The following ZNF385B variants were observed in gnomAD, a reference collection of about 807,000 sequenced individuals.
ZNF385B encodes the protein zinc finger protein 533.
In ZNF385B, 23 loss-of-function variants were observed where a neutral mutation model predicts 39.2. The ratio of observed to expected loss-of-function variants is 0.59; its 90% CI spans 0.42 to 0.83. The LOEUF is 0.83. Among genes scored for constraint, ZNF385B ranks in the 40% least tolerant of loss-of-function variants. ZNF385B has a pLI of 0.00. For missense variants in ZNF385B, 552 were observed against 598.9 expected (o/e 0.92, Z 0.82); for synonymous variants, 205 against 222.6 (o/e 0.92, Z 0.70).
At chr2:179,738,552 C>G (rs1243636802) in intron 3 of ZNF385B, among the ~76,000 whole-genome samples, 1 of 152,138 alleles carries the variant, frequency 6.6e-6, no homozygotes, top group African/African-American at 2.4e-5. Context: ...ATTCCTACAT[C>G]GTTTTTCACT....
chr2:179,696,722 A>C (rs949152384), intron 3 of ZNF385B, among the ~76,000 whole-genome samples: 4 of 152,152 alleles, frequency 2.6e-5, no homozygotes, highest in Non-Finnish European at 5.9e-5. Context: ...TTTGCATTTA[A>C]AAAAACTATA....
chr2:179,735,103 A>C (rs919420462), intron 3 of ZNF385B, among the ~76,000 whole-genome samples: 8 of 152,174 alleles, frequency 5.3e-5, no homozygotes, highest in Non-Finnish European at 1.2e-4. Context: ...CAACCTACAG[A>C]ATGGGAGAAA....
intron 1 of ZNF385B, among the ~76,000 whole-genome samples, chr2:179,811,300 G>C (rs937797922): frequency 1.3e-5 from 2 of 151,872 alleles, no homozygotes; most frequent in African/African-American, 4.8e-5. Context: ...GAACTAAAAA[G>C]AACTATTATT....
intron 1 of ZNF385B, among the ~76,000 whole-genome samples, chr2:179,805,844 G>A (rs958889021): frequency 6.6e-6 from 1 of 152,228 alleles, no homozygotes; most frequent in Non-Finnish European, 1.5e-5. Flanking sequence ...GATAGACAAA[G>A]AGGACACTGG....
At chr2:179,779,816 T>C (rs1272781100) in intron 1 of ZNF385B, among the ~76,000 whole-genome samples, 1 of 151,996 alleles carries the variant, frequency 6.6e-6, no homozygotes, top group African/African-American at 2.4e-5. Flanking sequence ...AAATGATGAG[T>C]GTGTGAGGTA....
intron 6 of ZNF385B, among the ~76,000 whole-genome samples, chr2:179,471,693 A>AT (rs2052788521): frequency 6.6e-6 from 1 of 152,234 alleles, no homozygotes; most frequent in African/African-American, 2.4e-5. Context: ...CTATATTACT[A>AT]TATCATAACT....
chr2:179,531,579 G>A (rs894085141), intron 4 of ZNF385B, among the ~76,000 whole-genome samples: 26 of 152,066 alleles, frequency 1.7e-4, no homozygotes, highest in East Asian at 1.9e-4. Flanking sequence ...CAAGTGCAGT[G>A]AGCCGAGATC....
At chr2:179,853,418 T>C (rs259814) in intron 1 of ZNF385B, among the ~76,000 whole-genome samples, 144,080 of 152,298 alleles carry the variant, frequency 0.95, 68,400 homozygotes, top group East Asian at 1. Flanking sequence ...TTCCAAAAGT[T>C]CAAGAACCCA....
intron 3 of ZNF385B, among the ~76,000 whole-genome samples, chr2:179,711,251 C>A (rs947212914): frequency 5.3e-5 from 8 of 152,204 alleles, no homozygotes; most frequent in Admixed American, 4.6e-4. Context: ...GCTATAGAAT[C>A]TCTGTCTTGC....
chr2:179,725,419 A>G (rs997082709), intron 3 of ZNF385B, among the ~76,000 whole-genome samples: 1 of 151,894 alleles, frequency 6.6e-6, no homozygotes, highest in African/African-American at 2.4e-5. Context: ...ATATATAAAA[A>G]CACATACGTG....
chr2:179,853,899 T>C (rs1267704145), intron 1 of ZNF385B, among the ~76,000 whole-genome samples: 1 of 152,302 alleles, frequency 6.6e-6, no homozygotes, highest in South Asian at 2.1e-4. Flanking sequence ...CCACAAAATA[T>C]GACTTCAGAA....
At chr2:179,653,032 G>T (rs1693347271) in intron 3 of ZNF385B, among the ~76,000 whole-genome samples, 1 of 152,056 alleles carries the variant, frequency 6.6e-6, no homozygotes, top group Non-Finnish European at 1.5e-5. Flanking sequence ...CATAATATAT[G>T]CTCAATAAAA....
intron 3 of ZNF385B, among the ~76,000 whole-genome samples, chr2:179,667,697 A>C (rs1449627564): frequency 6.6e-6 from 1 of 152,222 alleles, no homozygotes; most frequent in African/African-American, 2.4e-5. Context: ...CTTCATTGGC[A>C]GCTATGTTTA....
intron 5 of ZNF385B, among the ~76,000 whole-genome samples, chr2:179,486,433 C>G (rs1574390231): frequency 1.3e-5 from 2 of 152,194 alleles, no homozygotes; most frequent in South Asian, 4.1e-4. Flanking sequence ...CATATACATA[C>G]CTACACTAAG....
At chr2:179,494,549 T>C (rs1427342812) in intron 5 of ZNF385B, among the ~76,000 whole-genome samples, 1 of 152,188 alleles carries the variant, frequency 6.6e-6, no homozygotes, top group Non-Finnish European at 1.5e-5. Flanking sequence ...TCATCCATAA[T>C]TTTGATGGAA....
At chr2:179,651,178 G>T (rs1693164171) in intron 3 of ZNF385B, among the ~76,000 whole-genome samples, 1 of 151,842 alleles carries the variant, frequency 6.6e-6, no homozygotes, top group Non-Finnish European at 1.5e-5. Flanking sequence ...TGGCAAAAGG[G>T]TAAAATCACA....
chr2:179,708,801 G>A (rs1465560914), intron 3 of ZNF385B, among the ~76,000 whole-genome samples: 1 of 152,162 alleles, frequency 6.6e-6, no homozygotes. Flanking sequence ...GGCAGGTGAG[G>A]GGGCATGATG....
At chr2:179,738,258 G>A (rs6433807) in intron 3 of ZNF385B, among the ~76,000 whole-genome samples, 148,673 of 152,272 alleles carry the variant, frequency 0.98, 72,660 homozygotes, top group Non-Finnish European at 1. Context: ...AATATAATTC[G>A]AATGTTACAT....
chr2:179,756,232 C>T (rs1703006405), intron 3 of ZNF385B, among the ~76,000 whole-genome samples: 2 of 152,108 alleles, frequency 1.3e-5, no homozygotes, highest in South Asian at 4.1e-4. Flanking sequence ...TTCTCCTTCA[C>T]TTATGAAGCT....
Sources: allele counts gnomAD v4.1 joint callset (sites outside exome capture counted in the v4.1 genomes callset), GRCh38; gene constraint gnomAD v4.1.1; transcripts MANE v1.5; gene names NCBI Gene and HGNC (gene_info 2026-07-23, HGNC 2026-07-21).